Variants in SYTL4 observed in about 807,000 individuals in gnomAD.
The protein encoded by SYTL4 is synaptotagmin like 4.
In SYTL4, 16 loss-of-function variants were observed where a neutral mutation model predicts 52.7. The observed-to-expected ratio is 0.30, with a 90% CI of 0.21 to 0.46. The LOEUF is 0.46. Ranked by LOEUF, SYTL4 falls within the 20% of genes least tolerant of loss-of-function variation. The pLI is 1.00. For missense variants in SYTL4, 423 were observed against 519.9 expected (o/e 0.81, Z 1.81); for synonymous variants, 160 against 186.6 (o/e 0.86, Z 1.16).
rs772977472 is a variant in SYTL4 at position 100,701,180 on chromosome X, G to C, written c.436+40C>G. ...AGATGCTACCAGTCAGAATACACTA[G>C]GATTCCATACCAAGAACCATCTCTA... is the stretch of plus-strand genomic sequence containing the variant. On this transcript the variant is annotated intron_variant, in intron 7 of 19. Coordinates refer to ENST00000372989, the MANE Select transcript of SYTL4 (RefSeq NM_001370165.1). 9.0e-5 allele frequency: 98 copies of C among 1,092,749 alleles called. No individual in the cohort carries two copies. In the South Asian group the frequency reaches 1.8e-3, roughly 20 times the overall value. 90.1% of individuals were successfully genotyped at this position (1,092,749 alleles called of 1,213,427 possible). A position where few individuals can be genotyped will look rare whatever the true frequency, so the allele number is the denominator to read the frequency against.
At chrX:100,691,362 G>A (rs2083594514) in intron 8 of SYTL4, 153 bp from the exon 9 acceptor site, 10 of 398,104 alleles carry the variant, frequency 2.5e-5, no homozygotes, top group Non-Finnish European at 3.9e-5. Flanking sequence ...AATTAATTAA[G>A]AAATAAGGTC....
chrX:100,681,546 A>G (rs12846491), intron 16 of SYTL4, among the ~76,000 whole-genome samples: 1 of 111,877 alleles, frequency 8.9e-6, no homozygotes, highest in African/African-American at 3.3e-5. Context: ...CAGAACCAAC[A>G]AAGAGTCTTC....
intron 17 of SYTL4, among the ~76,000 whole-genome samples, chrX:100,680,213 G>A (rs188253313): frequency 9.0e-6 from 1 of 110,573 alleles, no homozygotes; most frequent in Non-Finnish European, 1.9e-5. Flanking sequence ...GATAACCTCC[G>A]CCCCTTCTTC....
chrX:100,707,558 T>C (rs1244596345), intron 2 of SYTL4, among the ~76,000 whole-genome samples: 1 of 112,172 alleles, frequency 8.9e-6, no homozygotes, highest in Non-Finnish European at 1.9e-5. Flanking sequence ...ATTTTTATGG[T>C]AAATAGTACA....
intron 16 of SYTL4, among the ~76,000 whole-genome samples, chrX:100,684,324 T>C (rs1202235296): frequency 1.8e-5 from 2 of 112,244 alleles, no homozygotes; most frequent in Non-Finnish European, 3.8e-5. Flanking sequence ...TATCAAAATA[T>C]TGGATTTATA....
In SYTL4 at chrX:100,676,013, G is replaced by A; in HGVS notation, c.*15C>T. On this transcript the variant is annotated 3_prime_UTR_variant, in exon 20 of 20. Coordinates refer to ENST00000372989, the MANE Select transcript of SYTL4 (RefSeq NM_001370165.1). Reference sequence around the variant, plus strand: ...TGCCCTCGCCAGGGCTGGACCTGCAGAAGAGGACAGGGACTCATAAACCCA... The same window carrying A: ...TGCCCTCGCCAGGGCTGGACCTGCAAAAGAGGACAGGGACTCATAAACCCA... 1 of 1,205,359 alleles carries A rather than the reference G, an allele frequency of 8.3e-7. No homozygotes were observed. Among genetic ancestry groups the A allele is most frequent in the Non-Finnish European group, 1.1e-6 (1 of 892,359 alleles).
chrX:100,715,618 G>A (rs2084186869), intron 2 of SYTL4, among the ~76,000 whole-genome samples: 1 of 111,174 alleles, frequency 9.0e-6, no homozygotes, highest in African/African-American at 3.3e-5. Flanking sequence ...AATTTTTGCT[G>A]TCATAAGACA....
chrX:100,717,575 G>A (rs778457461), intron 2 of SYTL4, among the ~76,000 whole-genome samples: 1 of 112,811 alleles, frequency 8.9e-6, no homozygotes, highest in South Asian at 3.6e-4. Flanking sequence ...TGTGGCTGGC[G>A]GGTGCTCCAT....
At chrX:100,690,711 A>G (rs2083579160) in intron 9 of SYTL4, 73 bp from the exon 10 acceptor site, 5 of 812,942 alleles carry the variant, frequency 6.2e-6, no homozygotes, top group Non-Finnish European at 8.8e-6. Context: ...TCAAAGCTCT[A>G]TGGAAGGAGA....
At chrX:100,686,972 C>A in intron 14 of SYTL4, 95 bp downstream of exon 14, 1 of 1,017,472 alleles carries the variant, frequency 9.8e-7, no homozygotes, top group Non-Finnish European at 1.3e-6. Context: ...CCCTGCTCCC[C>A]CAGAAACAGA....
intron 4 of SYTL4, 129 bp downstream of exon 4, chrX:100,702,964 T>C (rs1235377222): frequency 8.9e-6 from 1 of 112,077 alleles, no homozygotes; most frequent in African/African-American, 3.2e-5. Context: ...GAGGTGGATT[T>C]TGCCTTATCA....
At position 100,689,988 on chromosome X, in the gene SYTL4, A is replaced by G. The variant is rs765699214; in HGVS notation, c.809-29T>C. The G allele has an allele frequency of 6.9e-6, 8 of 1,155,475 alleles. No homozygotes were observed. The Admixed American group carries it at 1.3e-4, about 19-fold the overall frequency. ...AGGGGAAGACCAAAAAAGCCAAATC[A>G]AAGAGACCTATTCTTCTCCATACCA... On this transcript the variant is annotated intron_variant, in intron 11 of 19. Transcript: ENST00000372989.
chrX:100,723,828 T>C (rs1217690296), intron 2 of SYTL4, among the ~76,000 whole-genome samples: 1 of 106,290 alleles, frequency 9.4e-6, no homozygotes, highest in Non-Finnish European at 1.9e-5. Context: ...GTCTGGGAAG[T>C]GAGGAGCGTC....
At chrX:100,702,650 T>G (rs2083880040) in intron 4 of SYTL4, among the ~76,000 whole-genome samples, 1 of 112,097 alleles carries the variant, frequency 8.9e-6, no homozygotes, top group Admixed American at 9.4e-5. Context: ...ATACTAGCAC[T>G]CTAGCACTAC....
chrX:100,718,054 C>A (rs1266378245), intron 2 of SYTL4, among the ~76,000 whole-genome samples: 1 of 111,910 alleles, frequency 8.9e-6, no homozygotes, highest in East Asian at 2.8e-4. Context: ...AATAAGAGCT[C>A]CTGCCTATGG....
chrX:100,693,957 G>A (rs1569391448), intron 8 of SYTL4, among the ~76,000 whole-genome samples: 1 of 112,180 alleles, frequency 8.9e-6, no homozygotes, highest in Non-Finnish European at 1.9e-5. Flanking sequence ...TTGCATGACT[G>A]CATTTATATG....
intron 2 of SYTL4, among the ~76,000 whole-genome samples, chrX:100,722,530 G>C (rs1253026458): frequency 9.0e-6 from 1 of 111,325 alleles, no homozygotes; most frequent in Admixed American, 9.6e-5. Context: ...TTTCATCTAT[G>C]CCTATTGAGG....
At chrX:100,707,472 G>A (rs774008967) in intron 2 of SYTL4, among the ~76,000 whole-genome samples, 1 of 111,416 alleles carries the variant, frequency 9.0e-6, no homozygotes, top group African/African-American at 3.3e-5. Context: ...CTATGGCATA[G>A]AATGTTCTCT....
intron 9 of SYTL4, 60 bp from the exon 10 acceptor site, chrX:100,690,698 G>T: frequency 1.1e-6 from 1 of 923,873 alleles, no homozygotes; most frequent in Non-Finnish European, 1.5e-6. Context: ...TTCTACCCAG[G>T]GATCAAAGCT....
Sources: allele counts gnomAD v4.1 joint callset (sites outside exome capture counted in the v4.1 genomes callset), GRCh38; gene constraint gnomAD v4.1.1; transcripts MANE v1.5; gene names NCBI Gene and HGNC (gene_info 2026-07-23, HGNC 2026-07-21).